The following WWOX variants were observed in gnomAD, a reference collection of about 807,000 sequenced individuals.
The protein encoded by WWOX is WW domain-containing oxidoreductase.
WWOX carries 69 observed loss-of-function variants against 46.2 expected under a neutral mutation model. That is an observed-to-expected ratio of 1.49 (90% CI 1.23 to 1.82). The LOEUF (loss-of-function observed/expected upper bound fraction) is 1.82. Ranked by LOEUF, WWOX falls within the 40% of genes most tolerant of loss-of-function variation. The pLI is 0.00. For synonymous variants in WWOX, 359 were observed against 202.6 expected (o/e 1.77, Z -6.56); for missense variants, 919 against 542.6 (o/e 1.69, Z -6.89).
chr16:78,927,481 G>T (rs2045525170), intron 8 of WWOX, among the ~76,000 whole-genome samples: 1 of 152,070 alleles, frequency 6.6e-6, no homozygotes, highest in African/African-American at 2.4e-5. Flanking sequence ...TCATCCCCTT[G>T]CCTCAGCACG....
chr16:78,724,561 T>A (rs1048581968), intron 8 of WWOX, among the ~76,000 whole-genome samples: 4 of 152,204 alleles, frequency 2.6e-5, no homozygotes, highest in Admixed American at 2.0e-4. Flanking sequence ...CCTTATGTTA[T>A]TTAGGAGGGG....
intron 8 of WWOX, among the ~76,000 whole-genome samples, chr16:78,739,812 A>G (rs139560354): frequency 0.016 from 2,376 of 152,288 alleles, 62 homozygotes; most frequent in African/African-American, 0.054. Context: ...TTCCATCTCA[A>G]AAAACAAACA....
intron 8 of WWOX, among the ~76,000 whole-genome samples, chr16:79,045,695 A>AGT (rs1029747647): frequency 4.0e-5 from 6 of 149,248 alleles, no homozygotes; most frequent in Non-Finnish European, 5.9e-5. Context: ...GGGTTAACAC[A>AGT]GTGTGTGTGT....
At chr16:78,980,943 T>A (rs1233198003) in intron 8 of WWOX, among the ~76,000 whole-genome samples, 1 of 152,000 alleles carries the variant, frequency 6.6e-6, no homozygotes, top group Non-Finnish European at 1.5e-5. Context: ...TGAGATCGAG[T>A]GATATAAAGT....
chr16:78,975,284 A>T (rs139450557), intron 8 of WWOX, among the ~76,000 whole-genome samples: 1 of 152,188 alleles, frequency 6.6e-6, no homozygotes, highest in East Asian at 1.9e-4. Flanking sequence ...GACATTTTTG[A>T]TTGTCATAAC....
intron 8 of WWOX, among the ~76,000 whole-genome samples, chr16:78,670,982 A>G (rs1405264155): frequency 1.3e-5 from 2 of 151,998 alleles, no homozygotes; most frequent in Non-Finnish European, 2.9e-5. Flanking sequence ...GAGTGGTGCC[A>G]TCTACCAGCC....
chr16:78,385,939 A>G (rs1205805234), intron 5 of WWOX, among the ~76,000 whole-genome samples: 1 of 152,200 alleles, frequency 6.6e-6, no homozygotes, highest in African/African-American at 2.4e-5. Flanking sequence ...TGGCCCATAC[A>G]CAGAAGGCTA....
At chr16:78,483,833 T>A (rs934819779) in intron 8 of WWOX, among the ~76,000 whole-genome samples, 2 of 152,068 alleles carry the variant, frequency 1.3e-5, no homozygotes, top group Non-Finnish European at 2.9e-5. Flanking sequence ...TTAAAAAAAA[T>A]GAGAAGAGCC....
chr16:78,465,804 T>G (rs2084062064), intron 8 of WWOX, among the ~76,000 whole-genome samples: 1 of 152,228 alleles, frequency 6.6e-6, no homozygotes, highest in Non-Finnish European at 1.5e-5. Context: ...TGATTTTTTC[T>G]GAATAACTGA....
At position 78,364,583 on chromosome 16, in the gene WWOX, T is replaced by A. The variant is rs920085160; in HGVS notation, c.517-22277T>A. ...AAAAATGGGAAAGAAAAAAAAAATT[T>A]GTGGTTACAGTATAATAAAAATAAA... On this transcript the variant is annotated intron_variant, in intron 5 of 8. Coordinates refer to ENST00000566780, the MANE Select transcript of WWOX (RefSeq NM_016373.4). Among the ~76,000 whole-genome samples the A allele has an allele frequency of 6.6e-5, 10 of 152,240 alleles. No individual in the cohort carries two copies. The East Asian group carries it at 7.7e-4, about 12-fold the overall frequency.
At chr16:78,237,989 C>T (rs1415255127) in intron 5 of WWOX, 2 of 152,118 alleles carry the variant, frequency 1.3e-5, no homozygotes, top group Non-Finnish European at 2.9e-5. Context: ...TGAGGGAAGC[C>T]TGGTTTACAA....
chr16:78,932,541 C>G (rs964213680), intron 8 of WWOX, among the ~76,000 whole-genome samples: 12 of 152,212 alleles, frequency 7.9e-5, no homozygotes, highest in Non-Finnish European at 1.2e-4. Flanking sequence ...GGCAGGCACA[C>G]CTGCCAAGGA....
chr16:78,270,110 C>G lies in WWOX; in HGVS notation c.516+105821C>G, dbSNP rs1420051977. On this transcript the variant is annotated intron_variant, in intron 5 of 8. Coordinates refer to ENST00000566780, the MANE Select transcript of WWOX (RefSeq NM_016373.4). ...AAATCATCAAATTTTTTTTACGGCA[C>G]TGAAAAAAATACATAAATCTGCTTG... 2.6e-5 allele frequency: 4 copies of G among 151,826 alleles called. No homozygotes were observed. The East Asian group carries it at 7.7e-4, about 29-fold the overall frequency. The allele number at this position is 151,826 out of a possible 1,614,324, so 9.4% of individuals were successfully genotyped here.
intron 8 of WWOX, among the ~76,000 whole-genome samples, chr16:78,704,495 C>T (rs934657673): frequency 2.0e-5 from 3 of 152,116 alleles, no homozygotes; most frequent in Admixed American, 1.3e-4. Context: ...TAGGCACTGA[C>T]GGGCTGACAT....
chr16:78,400,070 C>T (rs936812194), intron 6 of WWOX, among the ~76,000 whole-genome samples: 1 of 152,114 alleles, frequency 6.6e-6, no homozygotes, highest in African/African-American at 2.4e-5. Flanking sequence ...CTATTGCATA[C>T]CTTGTCATTC....
intron 4 of WWOX, among the ~76,000 whole-genome samples, chr16:78,163,024 G>C (rs537078468): frequency 6.6e-6 from 1 of 152,174 alleles, no homozygotes; most frequent in East Asian, 1.9e-4. Flanking sequence ...GAATTTGTCA[G>C]TCAGACTTAT....
At chr16:78,213,855 C>T (rs1597359849) in intron 5 of WWOX, among the ~76,000 whole-genome samples, 1 of 152,174 alleles carries the variant, frequency 6.6e-6, no homozygotes, top group South Asian at 2.1e-4. Context: ...GAGTGACAAG[C>T]CCTGGAGACC....
At chr16:79,063,907 A>G (rs771070223) in intron 8 of WWOX, among the ~76,000 whole-genome samples, 1 of 152,228 alleles carries the variant, frequency 6.6e-6, no homozygotes, top group Non-Finnish European at 1.5e-5. Flanking sequence ...TAATGAGACT[A>G]GTATGGAGCA....
At chr16:78,992,832 GC>G (rs2046914845) in intron 8 of WWOX, among the ~76,000 whole-genome samples, 1 of 152,030 alleles carries the variant, frequency 6.6e-6, no homozygotes, top group African/African-American at 2.4e-5. Flanking sequence ...TGCTAAGTTG[GC>G]TTTCTCCCCA....
Sources: gnomAD v4.1 joint callset for allele counts (sites outside exome capture counted in the v4.1 genomes callset) on GRCh38, gnomAD v4.1.1 for gene constraint, MANE v1.5 for transcripts, NCBI Gene and HGNC (gene_info 2026-07-23, HGNC 2026-07-21) for gene names.